CSMD1: variants seen among roughly 807,000 people sequenced by gnomAD.
CSMD1 encodes CUB and sushi domain-containing protein 1.
A neutral mutation model predicts 417.5 loss-of-function variants in CSMD1; 213 were observed. That is an observed-to-expected ratio of 0.51 (90% confidence interval 0.46 to 0.57). The LOEUF is 0.57. Ranked by LOEUF, CSMD1 falls within the 20% of genes least tolerant of loss-of-function variation. The pLI, the probability that CSMD1 is intolerant of heterozygous loss-of-function variation, is 0.00. For missense variants in CSMD1, 6,923 were observed against 4,529.7 expected, an observed-to-expected ratio of 1.53 and a Z score of -15.17; for synonymous variants, 2,862 against 1,736.8, an observed-to-expected ratio of 1.65 and a Z score of -16.11.
intron 3 of CSMD1, among the ~76,000 whole-genome samples, chr8:4,212,136 C>G (rs980650498): frequency 2.0e-5 from 3 of 150,740 alleles, no homozygotes; most frequent in Non-Finnish European, 4.4e-5. Flanking sequence ...GAAGAAGTGT[C>G]CTTTATTATG....
chr8:3,793,437 G>T (rs994741189), intron 5 of CSMD1, among the ~76,000 whole-genome samples: 1 of 151,912 alleles, frequency 6.6e-6, no homozygotes, highest in Admixed American at 6.6e-5. Flanking sequence ...GTCTCTGCAA[G>T]AACTCCCCTT....
At chr8:3,650,221 T>TAA (rs201818906) in intron 7 of CSMD1, among the ~76,000 whole-genome samples, 1 of 151,036 alleles carries the variant, frequency 6.6e-6, no homozygotes, top group Non-Finnish European at 1.5e-5. Context: ...AGATTTGCAA[T>TAA]GACCTGAGAT....
chr8:3,664,090 G>C (rs936783777), intron 7 of CSMD1, among the ~76,000 whole-genome samples: 1 of 152,112 alleles, frequency 6.6e-6, no homozygotes, highest in Non-Finnish European at 1.5e-5. Context: ...GTGCACGTTT[G>C]TTACATATGT....
At chr8:4,025,069 A>T (rs1796992758) in intron 4 of CSMD1, among the ~76,000 whole-genome samples, 1 of 152,154 alleles carries the variant, frequency 6.6e-6, no homozygotes, top group Non-Finnish European at 1.5e-5. Context: ...TACTCACAAA[A>T]ATAAGATTCA....
intron 4 of CSMD1, among the ~76,000 whole-genome samples, chr8:4,031,152 G>A (rs1269636920): frequency 6.6e-6 from 1 of 152,190 alleles, no homozygotes; most frequent in Non-Finnish European, 1.5e-5. Flanking sequence ...CTGTTATCCA[G>A]TTCCAAAGTC....
intron 5 of CSMD1, among the ~76,000 whole-genome samples, chr8:3,958,290 G>C (rs190849213): frequency 8.7e-4 from 129 of 147,558 alleles, no homozygotes; most frequent in South Asian, 3.7e-3. Context: ...TGGGGATGTG[G>C]AAAAAAAGTT....
chr8:3,977,272 C>T (rs1272434572), intron 5 of CSMD1, among the ~76,000 whole-genome samples: 1 of 152,120 alleles, frequency 6.6e-6, no homozygotes, highest in Non-Finnish European at 1.5e-5. Context: ...CACTATGATC[C>T]AAGGAGATTG....
chr8:3,620,883 C>G (rs1329581966), intron 7 of CSMD1, among the ~76,000 whole-genome samples: 1 of 152,080 alleles, frequency 6.6e-6, no homozygotes, highest in Non-Finnish European at 1.5e-5. Flanking sequence ...GTCCCTCCTC[C>G]CCGCAAAGGG....
intron 2 of CSMD1, among the ~76,000 whole-genome samples, chr8:4,477,908 T>C (rs114341103): frequency 6.6e-6 from 1 of 152,356 alleles, no homozygotes; most frequent in African/African-American, 2.4e-5. Flanking sequence ...CAAAACCTGA[T>C]ACCTGATCAA....
At chr8:4,843,875 C>T (rs1278965246) in intron 1 of CSMD1, among the ~76,000 whole-genome samples, 1 of 152,124 alleles carries the variant, frequency 6.6e-6, no homozygotes, top group Non-Finnish European at 1.5e-5. Flanking sequence ...TTTAACAAAG[C>T]CTTACCTAAC....
chr8:3,875,153 C>T (rs1460168725), intron 5 of CSMD1, among the ~76,000 whole-genome samples: 3 of 152,006 alleles, frequency 2.0e-5, no homozygotes, highest in Admixed American at 6.6e-5. Context: ...ATGTAAAATG[C>T]GACACTGGGG....
intron 23 of CSMD1, among the ~76,000 whole-genome samples, chr8:3,334,187 T>C (rs1807091582): frequency 6.6e-6 from 1 of 152,156 alleles, no homozygotes. Context: ...TATCAGTCAA[T>C]CCTATAAAGA....
chr8:3,028,590 G>A (rs1164195671), intron 51 of CSMD1, among the ~76,000 whole-genome samples: 22 of 152,104 alleles, frequency 1.4e-4, no homozygotes, highest in Admixed American at 1.3e-3. Context: ...CTTGTGGTAC[G>A]TGTTTCATTA....
chr8:4,717,975 T>C (rs1345401326), intron 1 of CSMD1, among the ~76,000 whole-genome samples: 2 of 152,154 alleles, frequency 1.3e-5, no homozygotes, highest in Non-Finnish European at 2.9e-5. Context: ...ATCAAACTTA[T>C]TTTATTTTAT....
At chr8:4,176,531 C>T (rs1480367663) in intron 3 of CSMD1, among the ~76,000 whole-genome samples, 1 of 152,070 alleles carries the variant, frequency 6.6e-6, no homozygotes, top group Non-Finnish European at 1.5e-5. Context: ...TATCAATCAC[C>T]ATTCTGATCC....
At chr8:4,094,859 G>A (rs1164242031) in intron 3 of CSMD1, among the ~76,000 whole-genome samples, 2 of 152,196 alleles carry the variant, frequency 1.3e-5, no homozygotes, top group Non-Finnish European at 2.9e-5. Context: ...TTGGTGATGT[G>A]TTTGGGGCAT....
At chr8:4,911,609 G>A (rs534992501) in intron 1 of CSMD1, among the ~76,000 whole-genome samples, 1 of 152,098 alleles carries the variant, frequency 6.6e-6, no homozygotes, top group Non-Finnish European at 1.5e-5. Flanking sequence ...TGACAGAAGC[G>A]TTTAACTTCC....
intron 5 of CSMD1, among the ~76,000 whole-genome samples, chr8:3,842,159 T>C (rs1283337424): frequency 6.6e-6 from 1 of 152,196 alleles, no homozygotes; most frequent in African/African-American, 2.4e-5. Flanking sequence ...AACCTCAGGT[T>C]TTCTTAAAAA....
intron 19 of CSMD1, among the ~76,000 whole-genome samples, chr8:3,367,583 C>T (rs773527112): frequency 4.6e-5 from 7 of 151,894 alleles, no homozygotes; most frequent in Non-Finnish European, 8.8e-5. Flanking sequence ...GAAAATCTAG[C>T]TTTGAAGTTT....
Sources: gnomAD v4.1 joint callset for allele counts (sites outside exome capture counted in the v4.1 genomes callset) on GRCh38, gnomAD v4.1.1 for gene constraint, MANE v1.5 for transcripts, NCBI Gene and HGNC (gene_info 2026-07-23, HGNC 2026-07-21) for gene names.